MAPK8: variants seen among roughly 807,000 people sequenced by gnomAD.
The protein encoded by MAPK8 is JUN N-terminal kinase.
In MAPK8, 13 loss-of-function variants were observed where a neutral mutation model predicts 52.9. The ratio of observed to expected loss-of-function variants is 0.25; its 90% CI spans 0.16 to 0.39. MAPK8 has a LOEUF of 0.39. Ranked by LOEUF, MAPK8 falls within the 10% of genes least tolerant of loss-of-function variation. MAPK8 has a pLI of 1.00. For missense variants in MAPK8, 300 were observed against 519.2 expected, an observed-to-expected ratio of 0.58 and a Z score of 4.10; for synonymous variants, 191 against 169.8, an observed-to-expected ratio of 1.12 and a Z score of -0.97.
At chr10:48,339,903 CAT>C (rs1213997623) in intron 1 of MAPK8, among the ~76,000 whole-genome samples, 7 of 152,052 alleles carry the variant, frequency 4.6e-5, no homozygotes, top group African/African-American at 1.4e-4. Flanking sequence ...TAAAATAAGA[CAT>C]GTTGGTGAGG....
At chr10:48,406,860 T>C (rs1795800670) in intron 3 of MAPK8, among the ~76,000 whole-genome samples, 2 of 152,330 alleles carry the variant, frequency 1.3e-5, no homozygotes, top group African/African-American at 4.8e-5. Flanking sequence ...CACACAGTAC[T>C]GCACGTCTGA....
At chr10:48,427,385 T>A in intron 10 of MAPK8, 2 of 395,516 alleles carry the variant, frequency 5.1e-6, no homozygotes, top group Non-Finnish European at 9.4e-6. Context: ...TTTTCCATGG[T>A]TTGTGAATAC....
At chr10:48,382,169 C>CA (rs1397272354) in intron 1 of MAPK8, among the ~76,000 whole-genome samples, 1 of 152,096 alleles carries the variant, frequency 6.6e-6, no homozygotes, top group Non-Finnish European at 1.5e-5. Flanking sequence ...ATCACAGAAG[C>CA]AATAGTTTTA....
intron 3 of MAPK8, 64 bp downstream of exon 3, chr10:48,405,045 A>G: frequency 8.8e-7 from 1 of 1,138,766 alleles, no homozygotes. Context: ...GAATATGTGA[A>G]TATCAAAGAC....
chr10:48,311,112 G>C (rs1320507715), intron 1 of MAPK8, among the ~76,000 whole-genome samples: 2 of 152,124 alleles, frequency 1.3e-5, no homozygotes, highest in African/African-American at 4.8e-5. Flanking sequence ...AGGGCTGTGA[G>C]GTTTAAATTA....
chr10:48,431,244 T>G lies in MAPK8; in HGVS notation c.1112T>G (p.Val371Gly). The change falls in exon 11 of 12, where the codon GTT becomes GGT. Residue 371 changes from valine (V) to glycine (G), a missense_variant. Val to Gly is a moderately radical substitution (Grantham distance 109, BLOSUM62 -3). Coordinates refer to ENST00000374189, the MANE Select transcript of MAPK8 (RefSeq NM_001323329.2). ...TTGGAGGAGAGAACCAAGAATGGAG[T>G]TATACGGGGGCAGCCCTCTCCTTTA... ...MDLEERTKNG[V>G]IRGQPSPLGA... 1.2e-6 allele frequency: 2 copies of G among 1,611,864 alleles called. No homozygotes were observed. The highest frequency in any genetic ancestry group is 2.7e-5 in the African/African-American group (2 of 74,962).
Position 48,438,006 on chromosome 10 carries a change from A to G in MAPK8, c.*2977A>G, listed in dbSNP as rs1460111014. On this transcript the variant is annotated 3_prime_UTR_variant, in exon 12 of 12. Transcript: ENST00000374189. ...TGGTTACAGATAAGACTTGGTTTACACTATTGGCCAGTATCTGCTAAACAT... is the reference window on the plus strand; with the variant it reads ...TGGTTACAGATAAGACTTGGTTTACGCTATTGGCCAGTATCTGCTAAACAT... 6.6e-6 allele frequency: 1 copy of G among 152,256 alleles called. No homozygotes were observed. The highest frequency in any genetic ancestry group is 1.5e-5 in the Non-Finnish European group (1 of 68,048). The allele number at this position is 152,256 out of a possible 1,614,324, so 9.4% of individuals were successfully genotyped here.
intron 1 of MAPK8, among the ~76,000 whole-genome samples, chr10:48,360,037 T>C (rs1441952614): frequency 1.3e-5 from 2 of 152,082 alleles, no homozygotes; most frequent in Non-Finnish European, 2.9e-5. Context: ...TTTGGCAGCA[T>C]GCACCTGTAA....
At chr10:48,359,942 A>G (rs1281493297) in intron 1 of MAPK8, among the ~76,000 whole-genome samples, 1 of 152,208 alleles carries the variant, frequency 6.6e-6, no homozygotes, top group Non-Finnish European at 1.5e-5. Flanking sequence ...AGAAATCTTT[A>G]TAAGGGGAGT....
chr10:48,377,054 A>G (rs972509511), intron 1 of MAPK8, among the ~76,000 whole-genome samples: 1 of 152,214 alleles, frequency 6.6e-6, no homozygotes, highest in African/African-American at 2.4e-5. Context: ...GGATGAGTTC[A>G]TGTCCTTTGC....
At chr10:48,381,402 T>G (rs2040996582) in intron 1 of MAPK8, among the ~76,000 whole-genome samples, 1 of 151,808 alleles carries the variant, frequency 6.6e-6, no homozygotes, top group Non-Finnish European at 1.5e-5. Context: ...AAACACATCC[T>G]ACTTTCATTG....
intron 1 of MAPK8, among the ~76,000 whole-genome samples, chr10:48,335,075 C>G (rs1419569364): frequency 1.3e-5 from 2 of 152,178 alleles, no homozygotes; most frequent in African/African-American, 4.8e-5. Flanking sequence ...CTTATAGTGA[C>G]TTTCTAGGTG....
intron 1 of MAPK8, among the ~76,000 whole-genome samples, chr10:48,372,166 A>C (rs2040368452): frequency 6.6e-6 from 1 of 152,080 alleles, no homozygotes; most frequent in South Asian, 2.1e-4. Flanking sequence ...TAGAGGTTGG[A>C]GTAGGACCGA....
chr10:48,413,842 T>TTCA (rs2042908018), intron 5 of MAPK8, among the ~76,000 whole-genome samples: 1 of 114,212 alleles, frequency 8.8e-6, no homozygotes, highest in Non-Finnish European at 1.8e-5. Flanking sequence ...TATATATATA[T>TTCA]ATATATATAT....
chr10:48,319,898 A>C (rs949655247), intron 1 of MAPK8, among the ~76,000 whole-genome samples: 3 of 151,284 alleles, frequency 2.0e-5, no homozygotes, highest in Middle Eastern at 3.5e-3. Flanking sequence ...ATGTATCAGT[A>C]CTTCGTTTCT....
intron 1 of MAPK8, among the ~76,000 whole-genome samples, chr10:48,370,678 C>T (rs536464463): frequency 6.6e-6 from 1 of 152,108 alleles, no homozygotes; most frequent in African/African-American, 2.4e-5. Context: ...CCTGCATTTG[C>T]CTGCATTGCT....
At chr10:48,317,822 C>G (rs56195836) in intron 1 of MAPK8, among the ~76,000 whole-genome samples, 10 of 152,040 alleles carry the variant, frequency 6.6e-5, no homozygotes, top group Admixed American at 6.6e-4. Flanking sequence ...GAGATTCATA[C>G]GGGCAGAAAG....
At chr10:48,388,572 C>T (rs2041448231) in intron 1 of MAPK8, among the ~76,000 whole-genome samples, 1 of 152,120 alleles carries the variant, frequency 6.6e-6, no homozygotes, top group African/African-American at 2.4e-5. Flanking sequence ...GAGACATTCT[C>T]TTTCTAGAGC....
At chr10:48,387,156 C>A (rs954682170) in intron 1 of MAPK8, among the ~76,000 whole-genome samples, 2 of 152,128 alleles carry the variant, frequency 1.3e-5, no homozygotes, top group African/African-American at 4.8e-5. Flanking sequence ...CTCTTTCTCC[C>A]CTTTGTGGGT....
Sources: allele counts gnomAD v4.1 joint callset (sites outside exome capture counted in the v4.1 genomes callset), GRCh38; gene constraint gnomAD v4.1.1; transcripts MANE v1.5; gene names NCBI Gene and HGNC (gene_info 2026-07-23, HGNC 2026-07-21).